The following SLC25A53 variants were observed in gnomAD, a reference collection of about 807,000 sequenced individuals.
The protein encoded by SLC25A53 is mitochondrial carrier triple repeat protein 6.
Under a neutral mutation model 15.0 loss-of-function variants are expected in SLC25A53, and 5 were observed. The observed-to-expected ratio is 0.33, with a 90% CI of 0.17 to 0.70. The LOEUF is 0.70. SLC25A53 is among the 30% of genes least tolerant of loss of function. The pLI, the probability that SLC25A53 is intolerant of heterozygous loss-of-function variation, is 0.67. For synonymous variants in SLC25A53, 95 were observed against 100.0 expected, an observed-to-expected ratio of 0.95 and a Z score of 0.30; for missense variants, 216 against 241.6, an observed-to-expected ratio of 0.89 and a Z score of 0.70.
At chrX:104,106,014 G>T (rs2075307534) in intron 1 of SLC25A53, among the ~76,000 whole-genome samples, 1 of 111,744 alleles carries the variant, frequency 8.9e-6, no homozygotes, top group Admixed American at 9.4e-5. Context: ...TATTCTTGGC[G>T]CCTGTCCTCT....
rs192963756 is a variant in SLC25A53 at position 104,155,945 on chromosome X, G to A, written c.-32+933C>T. The stretch of plus-strand genomic sequence containing the variant: ...TGGGTGCCTCTAATCCCAGCAACCC[G>A]GGAGGCTGAGGCAGGAGAATCACTT... On this transcript the variant is annotated intron_variant, in intron 1 of 1. Transcript: ENST00000594199. Among the ~76,000 whole-genome samples the A allele has an allele frequency of 5.5e-5, 6 of 108,519 alleles. No individual in the cohort carries two copies. The East Asian group carries it at 1.4e-3, about 26-fold the overall frequency. 94.2% of individuals were successfully genotyped at this position (108,519 alleles called of 115,157 possible).
chrX:104,130,424 T>C (rs2075422878), intron 1 of SLC25A53, among the ~76,000 whole-genome samples: 1 of 111,540 alleles, frequency 9.0e-6, no homozygotes, highest in Non-Finnish European at 1.9e-5. Flanking sequence ...CCAGCCTGGG[T>C]TGAGTCAGCA....
chrX:104,112,344 G>A, intron 1 of SLC25A53, among the ~76,000 whole-genome samples: 1 of 113,342 alleles, frequency 8.8e-6, no homozygotes, highest in Non-Finnish European at 1.9e-5. Flanking sequence ...CCCAGTCCGT[G>A]CGTCCGAGCT....
In SLC25A53 at chrX:104,105,030, G is replaced by A. The variant is rs1556355322; in HGVS notation, c.228C>T (p.Tyr76=). The A allele has an allele frequency of 5.0e-6, 6 of 1,210,231 alleles. No individual in the cohort carries two copies. The highest frequency in any genetic ancestry group is 5.6e-6 in the Non-Finnish European group (5 of 895,298). ...VRQLWHEGPQ[Y]FYRGIYPPLL... Reference sequence around the variant, plus strand: ...GAGGAGGGTAGATTCCCCGGTAGAAGTATTGAGGACCTTCATGCCAAAGCT... The same window carrying A: ...GAGGAGGGTAGATTCCCCGGTAGAAATATTGAGGACCTTCATGCCAAAGCT... The change falls in exon 2 of 2, where the codon TAC becomes TAT. Residue 76 remains tyrosine (Y), a synonymous_variant. Coordinates refer to ENST00000594199, the MANE Select transcript of SLC25A53 (RefSeq NM_001012755.5).
intron 1 of SLC25A53, among the ~76,000 whole-genome samples, chrX:104,130,222 T>C (rs1456945262): frequency 2.7e-5 from 3 of 110,925 alleles, no homozygotes; most frequent in Admixed American, 1.9e-4. Context: ...ACAGGCAGAA[T>C]TGTAACATCA....
At chrX:104,111,957 G>T (rs1351479841) in intron 1 of SLC25A53, among the ~76,000 whole-genome samples, 3 of 111,712 alleles carry the variant, frequency 2.7e-5, no homozygotes, top group African/African-American at 9.8e-5. Context: ...GAGGAGTGCT[G>T]GCAAGGGGCA....
chrX:104,123,113 C>T (rs782078841), intron 1 of SLC25A53, among the ~76,000 whole-genome samples: 5 of 112,433 alleles, frequency 4.4e-5, no homozygotes, highest in African/African-American at 1.6e-4. Context: ...CCAATCGCTT[C>T]GCTCCAAACT....
At chrX:104,119,646 A>G (rs1569462096) in intron 1 of SLC25A53, among the ~76,000 whole-genome samples, 1 of 109,534 alleles carries the variant, frequency 9.1e-6, no homozygotes, top group Non-Finnish European at 1.9e-5. Flanking sequence ...CCTGAGATAG[A>G]TCTTATCTTA....
intron 1 of SLC25A53, among the ~76,000 whole-genome samples, chrX:104,125,137 G>A (rs781990486): frequency 5.4e-5 from 6 of 110,690 alleles, no homozygotes; most frequent in Middle Eastern, 9.2e-3. Context: ...GAGCCACCAC[G>A]CCGGGCCAAA....
chrX:104,117,381 C>T (rs1556361689), intron 1 of SLC25A53, among the ~76,000 whole-genome samples: 1 of 111,144 alleles, frequency 9.0e-6, no homozygotes, highest in East Asian at 2.8e-4. Context: ...TGTGCTCTGC[C>T]CATCACCACC....
At chrX:104,147,947 C>G (rs2075473180) in intron 1 of SLC25A53, among the ~76,000 whole-genome samples, 1 of 111,836 alleles carries the variant, frequency 8.9e-6, no homozygotes, top group African/African-American at 3.3e-5. Context: ...CATCTCATTA[C>G]TGGGTATACA....
chrX:104,153,258 A>T, intron 1 of SLC25A53, among the ~76,000 whole-genome samples: 1 of 50,021 alleles, frequency 2.0e-5, no homozygotes, highest in Admixed American at 2.9e-4. Context: ...ATATATATAT[A>T]TATATTTTTT....
At chrX:104,145,032 A>G (rs1400751909) in intron 1 of SLC25A53, among the ~76,000 whole-genome samples, 1 of 111,983 alleles carries the variant, frequency 8.9e-6, no homozygotes, top group Non-Finnish European at 1.9e-5. Flanking sequence ...TACATCACAC[A>G]TATTCTAAGA....
At chrX:104,110,130 T>G (rs1398405314) in intron 1 of SLC25A53, among the ~76,000 whole-genome samples, 3 of 111,926 alleles carry the variant, frequency 2.7e-5, no homozygotes, top group Non-Finnish European at 5.6e-5. Context: ...CACCTATTCT[T>G]GGTCCTATGT....
chrX:104,115,862 G>A (rs1281393600), intron 1 of SLC25A53: 1 of 122,678 alleles, frequency 8.2e-6, no homozygotes, highest in African/African-American at 3.3e-5. Flanking sequence ...TCTGTGTGAT[G>A]TTACTTTTAG....
intron 1 of SLC25A53, among the ~76,000 whole-genome samples, chrX:104,132,053 G>A (rs181567805): frequency 6.7e-4 from 75 of 112,202 alleles, no homozygotes; most frequent in South Asian, 1.1e-3. Context: ...TTGCTAAAAA[G>A]CTTGTCAATT....
In SLC25A53 at chrX:104,103,772, C is replaced by A. The variant is rs1175902480; in HGVS notation, c.*562G>T. Reference sequence around the variant, plus strand: ...TCTTGTGGCACCTGACGAGTTCATGCAAGCCTAATTTAGGATTTCCAGCCA... The same window carrying A: ...TCTTGTGGCACCTGACGAGTTCATGAAAGCCTAATTTAGGATTTCCAGCCA... On this transcript the variant is annotated 3_prime_UTR_variant, in exon 2 of 2. Transcript: ENST00000594199. 8.8e-6 allele frequency: 1 copy of A among 113,101 alleles called. No homozygotes were observed. The highest frequency in any genetic ancestry group is 1.9e-5 in the Non-Finnish European group (1 of 53,927). 9.3% of individuals were successfully genotyped at this position (113,101 alleles called of 1,213,427 possible).
At chrX:104,131,378 C>T (rs1192082094) in intron 1 of SLC25A53, among the ~76,000 whole-genome samples, 1 of 111,647 alleles carries the variant, frequency 9.0e-6, no homozygotes, top group Non-Finnish European at 1.9e-5. Flanking sequence ...GGTACAGTTA[C>T]TTGGAGGCTT....
chrX:104,139,586 C>T (rs933929237), intron 1 of SLC25A53, among the ~76,000 whole-genome samples: 6 of 111,641 alleles, frequency 5.4e-5, no homozygotes, highest in African/African-American at 1.3e-4. Flanking sequence ...GAGGCCAAGG[C>T]GGGCAGATCA....
Sources: gnomAD v4.1 joint callset for allele counts (sites outside exome capture counted in the v4.1 genomes callset) on GRCh38, gnomAD v4.1.1 for gene constraint, MANE v1.5 for transcripts, NCBI Gene and HGNC (gene_info 2026-07-23, HGNC 2026-07-21) for gene names.